STPG2: variants seen among roughly 807,000 people sequenced by gnomAD.
STPG2 encodes the protein sperm tail PG-rich repeat containing 2.
STPG2 carries 56 observed loss-of-function variants against 54.2 expected under a neutral mutation model. The observed-to-expected ratio is 1.03, with a 90% CI of 0.83 to 1.29. The LOEUF (loss-of-function observed/expected upper bound fraction) is 1.29. STPG2 is among the 50% of genes most tolerant of loss of function. The pLI, the probability that STPG2 is intolerant of heterozygous loss-of-function variation, is 0.00. For missense variants in STPG2, 596 were observed against 544.9 expected (o/e 1.09, Z -0.93); for synonymous variants, 200 against 181.8 (o/e 1.10, Z -0.81).
At chr4:97,453,492 C>G (rs989506692) in intron 4 of STPG2, among the ~76,000 whole-genome samples, 1 of 152,166 alleles carries the variant, frequency 6.6e-6, no homozygotes, top group Non-Finnish European at 1.5e-5. Context: ...AAAGGCACCA[C>G]CGGCCAGAGG....
intron 4 of STPG2, among the ~76,000 whole-genome samples, chr4:97,530,976 C>T (rs1371443217): frequency 2.0e-5 from 3 of 152,006 alleles, no homozygotes; most frequent in Non-Finnish European, 4.4e-5. Context: ...GGATTAATAA[C>T]CAGAATATAT....
chr4:98,071,782 C>T (rs142595522), intron 5 of STPG2, among the ~76,000 whole-genome samples: 3 of 152,144 alleles, frequency 2.0e-5, no homozygotes, highest in Admixed American at 6.5e-5. Context: ...AAGACATTCA[C>T]GTAGTCAACA....
intron 4 of STPG2, among the ~76,000 whole-genome samples, chr4:97,478,415 T>C (rs1292289325): frequency 6.6e-6 from 1 of 152,140 alleles, no homozygotes; most frequent in Non-Finnish European, 1.5e-5. Context: ...TTCTGATAGA[T>C]TAAAAGGACA....
At chr4:98,062,531 C>T (rs1036132873) in intron 5 of STPG2, among the ~76,000 whole-genome samples, 1 of 152,054 alleles carries the variant, frequency 6.6e-6, no homozygotes, top group Admixed American at 6.5e-5. Context: ...GAAAACATAA[C>T]TTCAAAATAG....
intron 3 of STPG2, among the ~76,000 whole-genome samples, chr4:98,119,374 T>A (rs1306668100): frequency 2.0e-5 from 3 of 151,692 alleles, no homozygotes; most frequent in African/African-American, 7.3e-5. Context: ...TAAACTGTAC[T>A]CTTCAAAAAA....
intron 5 of STPG2, among the ~76,000 whole-genome samples, chr4:98,056,250 G>C (rs572816053): frequency 5.6e-4 from 85 of 152,168 alleles, no homozygotes; most frequent in African/African-American, 2.0e-3. Flanking sequence ...CTGCTTGTGG[G>C]GGACAGAGAA....
intron 4 of STPG2, among the ~76,000 whole-genome samples, chr4:97,444,311 C>T (rs932819263): frequency 3.3e-5 from 5 of 152,116 alleles, no homozygotes. Context: ...TTAACAAACA[C>T]CAAGGAGAAT....
chr4:97,464,893 A>C (rs915846655), intron 4 of STPG2, among the ~76,000 whole-genome samples: 3 of 152,208 alleles, frequency 2.0e-5, no homozygotes, highest in Non-Finnish European at 4.4e-5. Context: ...CCCTTAAAAA[A>C]AGTCATGATT....
At position 97,971,626 on chromosome 4, in the gene STPG2, C is replaced by A. The variant is rs536503271; in HGVS notation, c.933+654G>T. Among the ~76,000 whole-genome samples, 5 of 152,078 alleles carry A rather than the reference C, an allele frequency of 3.3e-5. No individual in the cohort carries two copies. The East Asian group carries it at 9.7e-4, about 29-fold the overall frequency. On this transcript the variant is annotated intron_variant, in intron 7 of 10. Coordinates refer to ENST00000295268, the MANE Select transcript of STPG2 (RefSeq NM_174952.3). ...GAACACTTGGACACAGGGCAGGGAA[C>A]ATCACACACTGTAGTCTGTCGTGGG...
At chr4:97,872,077 A>G (rs1463513184) in intron 8 of STPG2, among the ~76,000 whole-genome samples, 1 of 151,162 alleles carries the variant, frequency 6.6e-6, no homozygotes, top group Non-Finnish European at 1.5e-5. Context: ...GACCTTTAAC[A>G]AAGGTTAATA....
intron 7 of STPG2, among the ~76,000 whole-genome samples, chr4:97,959,582 C>T (rs1733811217): frequency 6.6e-6 from 1 of 151,772 alleles, no homozygotes; most frequent in Non-Finnish European, 1.5e-5. Context: ...CATCTTTATA[C>T]ATAAAAACTA....
Position 97,467,392 on chromosome 4 carries a change from G to GA in STPG2, c.462+245306dup, listed in dbSNP as rs922493533. On this transcript the variant is annotated intron_variant, in intron 4 of 4. Transcript: ENST00000522676. Reference sequence around the variant, plus strand: ...ATACTCTTCTTCCTTTATTCATATAGAAAAAAAAATCCCAAGCATCATCAT... The same window carrying GA: ...ATACTCTTCTTCCTTTATTCATATAGAAAAAAAAAATCCCAAGCATCATCAT... Among the ~76,000 whole-genome samples the GA allele has an allele frequency of 2.5e-4, 38 of 150,048 alleles. No individual in the cohort carries two copies. In the East Asian group the frequency reaches 3.1e-3, roughly 12 times the overall value.
intron 5 of STPG2, among the ~76,000 whole-genome samples, chr4:98,000,210 T>C (rs1175648916): frequency 6.6e-6 from 1 of 152,166 alleles, no homozygotes; most frequent in East Asian, 1.9e-4. Context: ...AATATATCAA[T>C]TTTAATTCCT....
intron 6 of STPG2, among the ~76,000 whole-genome samples, chr4:97,974,840 A>G (rs1293224981): frequency 3.9e-5 from 6 of 152,042 alleles, no homozygotes; most frequent in Admixed American, 3.9e-4. Flanking sequence ...GGGCTAATAC[A>G]CTTGCCATAT....
At chr4:97,724,230 C>T (rs560802291) in intron 9 of STPG2, among the ~76,000 whole-genome samples, 3 of 151,956 alleles carry the variant, frequency 2.0e-5, no homozygotes, top group Non-Finnish European at 2.9e-5. Context: ...TCTTCATATA[C>T]CTTTATTTTT....
intron 10 of STPG2, among the ~76,000 whole-genome samples, chr4:97,593,139 G>A (rs1023775080): frequency 1.3e-5 from 2 of 152,046 alleles, no homozygotes; most frequent in South Asian, 2.1e-4. Context: ...CCCAACTAGG[G>A]TGCTTCCCAG....
At chr4:98,037,600 A>C (rs1736816347) in intron 5 of STPG2, among the ~76,000 whole-genome samples, 2 of 152,074 alleles carry the variant, frequency 1.3e-5, no homozygotes, top group Admixed American at 1.3e-4. Flanking sequence ...AAAGGAAAAA[A>C]AGAAAGGGAA....
chr4:98,129,698 A>G (rs1739930345), intron 2 of STPG2, among the ~76,000 whole-genome samples: 1 of 152,214 alleles, frequency 6.6e-6, no homozygotes, highest in African/African-American at 2.4e-5. Flanking sequence ...TGTATCAAAT[A>G]AAAGTACTGG....
intron 7 of STPG2, among the ~76,000 whole-genome samples, chr4:97,951,070 T>C (rs980443775): frequency 1.3e-5 from 2 of 152,304 alleles, no homozygotes; most frequent in South Asian, 2.1e-4. Flanking sequence ...TCTGGTCTTG[T>C]GGCCCCCACC....
Sources: gnomAD v4.1 joint callset for allele counts (sites outside exome capture counted in the v4.1 genomes callset) on GRCh38, gnomAD v4.1.1 for gene constraint, MANE v1.5 for transcripts, NCBI Gene and HGNC (gene_info 2026-07-23, HGNC 2026-07-21) for gene names.